CYP39A1: variants seen among roughly 807,000 people sequenced by gnomAD.
CYP39A1 encodes cytochrome P450 family 39 subfamily A member 1.
A neutral mutation model predicts 58.1 loss-of-function variants in CYP39A1; 49 were observed. That is an observed-to-expected ratio of 0.84 (90% CI 0.67 to 1.07). The LOEUF (loss-of-function observed/expected upper bound fraction) is 1.07, where lower values mean the gene tolerates loss of function less well. Ranked by LOEUF, CYP39A1 falls within the 50% of genes least tolerant of loss-of-function variation. The pLI, the probability that CYP39A1 is intolerant of heterozygous loss-of-function variation, is 0.00. For synonymous variants in CYP39A1, 209 were observed against 187.6 expected (o/e 1.11, Z -0.93); for missense variants, 531 against 539.4 (o/e 0.98, Z 0.16).
intron 7 of CYP39A1, among the ~76,000 whole-genome samples, chr6:46,624,921 G>A (rs1775212500): frequency 1.3e-5 from 2 of 152,122 alleles, no homozygotes; most frequent in South Asian, 4.2e-4. Context: ...ACAACCATAA[G>A]GGTTTTTTTA....
At chr6:46,577,993 T>C (rs995373158) in intron 10 of CYP39A1, among the ~76,000 whole-genome samples, 1 of 152,104 alleles carries the variant, frequency 6.6e-6, no homozygotes, top group Non-Finnish European at 1.5e-5. Flanking sequence ...CATATGCACA[T>C]GGCACATACT....
At chr6:46,600,351 C>T (rs750634588) in intron 7 of CYP39A1, among the ~76,000 whole-genome samples, 1 of 151,996 alleles carries the variant, frequency 6.6e-6, no homozygotes, top group Non-Finnish European at 1.5e-5. Context: ...GAAATCCTGA[C>T]CTCTAGTGAT....
intron 7 of CYP39A1, among the ~76,000 whole-genome samples, chr6:46,613,209 G>A (rs1344935005): frequency 1.3e-5 from 2 of 152,120 alleles, no homozygotes; most frequent in African/African-American, 2.4e-5. Flanking sequence ...AGTGTATAAC[G>A]TGTAGCTACC....
chr6:46,637,848 A>G lies in CYP39A1; in HGVS notation c.619T>C (p.Leu207=), dbSNP rs1366520783. Residue 207 remains leucine, a synonymous_variant, in exon 4 of 12, where the codon TTG becomes CTG. Transcript: ENST00000275016. ...TGTTACCTTAGAAGACACTCTGGCA[A>G]CTGGGACCCATACTCAAAATCTTCA... The part of the protein sequence containing the change: ...YDEDFEYGSQ[L]PECLLRNWSK... The G allele has an allele frequency of 9.3e-6, 15 of 1,612,436 alleles. No homozygotes were observed. The highest frequency in any genetic ancestry group is 1.2e-5 in the Non-Finnish European group (14 of 1,179,710).
chr6:46,572,857 T>A (rs1320939409), intron 10 of CYP39A1, among the ~76,000 whole-genome samples: 2 of 152,040 alleles, frequency 1.3e-5, no homozygotes, highest in African/African-American at 4.8e-5. Flanking sequence ...CTTTTCAATT[T>A]TTTTCTCCTT....
At chr6:46,567,805 T>G (rs964597099) in intron 10 of CYP39A1, among the ~76,000 whole-genome samples, 1 of 152,008 alleles carries the variant, frequency 6.6e-6, no homozygotes, top group Non-Finnish European at 1.5e-5. Context: ...AAAGAAATGG[T>G]TAAGGTTTAC....
chr6:46,589,184 G>A (rs1326780044), intron 8 of CYP39A1, among the ~76,000 whole-genome samples: 2 of 152,078 alleles, frequency 1.3e-5, no homozygotes, highest in Non-Finnish European at 2.9e-5. Flanking sequence ...TGGGTGTGGT[G>A]GCTCATGCCT....
At position 46,616,192 on chromosome 6, in the gene CYP39A1, TTCCCTCCCTCCCTCCCTCCCTCCCTCCC is replaced by T. The variant is rs59526252; in HGVS notation, c.931+9198_931+9225del. ...CTTTCTTTCTTTCTTTCTTTCTTCT[TTCCCTCCCTCCCTCCCTCCCTCCCTCCC>T]TCCCTCCCTCCCTCCCTCCCTCCCT... On this transcript the variant is annotated intron_variant, in intron 7 of 11. Transcript: ENST00000275016. 6.4e-3 allele frequency among the ~76,000 whole-genome samples: 24 copies of T among 3,760 alleles called. No homozygotes were observed. The East Asian group carries it at 0.1, about 16-fold the overall frequency. The allele number at this position is 3,760 out of a possible 152,430, so 2.5% of individuals were successfully genotyped here. A position where few individuals can be genotyped will look rare whatever the true frequency, so the allele number is the denominator to read the frequency against.
At chr6:46,569,485 AG>A (rs1241493503) in intron 10 of CYP39A1, among the ~76,000 whole-genome samples, 2 of 152,082 alleles carry the variant, frequency 1.3e-5, no homozygotes, top group Non-Finnish European at 2.9e-5. Flanking sequence ...TTAACCATTG[AG>A]TATGATGTTA....
At chr6:46,552,241 CTCAGTGGA>C (rs1770440676) in intron 11 of CYP39A1, among the ~76,000 whole-genome samples, 1 of 152,126 alleles carries the variant, frequency 6.6e-6, no homozygotes, top group Non-Finnish European at 1.5e-5. Context: ...TGACATTCAA[CTCAGTGGA>C]TCAGGAACTA....
chr6:46,576,618 A>C (rs1771862949), intron 10 of CYP39A1, among the ~76,000 whole-genome samples: 1 of 152,200 alleles, frequency 6.6e-6, no homozygotes, highest in East Asian at 1.9e-4. Context: ...CAAGAGTTGA[A>C]AGATGTGATA....
chr6:46,648,583 G>A lies in CYP39A1; in HGVS notation c.177+3823C>T, dbSNP rs548562150. ...TACCTAATATAAATGATGAGTTACT[G>A]GGTTCAGCACACCAACATGGCACAT... is the stretch of plus-strand genomic sequence containing the variant. On this transcript the variant is annotated intron_variant, in intron 1 of 11. Coordinates refer to ENST00000275016, the MANE Select transcript of CYP39A1 (RefSeq NM_016593.5). Among the ~76,000 whole-genome samples the A allele has an allele frequency of 3.3e-5, 5 of 151,728 alleles. No individual in the cohort carries two copies. In the South Asian group the frequency reaches 1.0e-3, roughly 32 times the overall value.
chr6:46,642,230 A>T lies in CYP39A1; in HGVS notation c.246T>A (p.Ile82=). 1 of 1,612,748 alleles carries T rather than the reference A, an allele frequency of 6.2e-7. No homozygotes were observed. Among genetic ancestry groups the T allele is most frequent in the Non-Finnish European group, 8.5e-7 (1 of 1,179,138 alleles). ...CTTTTTTGGATTTTAGAAACACATT[A>T]ATTCCTTCTTCTTCAGTAACAAAGG... The part of the protein sequence containing the change: ...RMTFVTEEEG[I]NVFLKSKKVD... The change falls in exon 2 of 12, where the codon ATT becomes ATA. Residue 82 remains isoleucine (I), a synonymous_variant. Coordinates refer to ENST00000275016, the MANE Select transcript of CYP39A1 (RefSeq NM_016593.5).
At chr6:46,564,854 C>A (rs184930232) in intron 10 of CYP39A1, among the ~76,000 whole-genome samples, 1 of 152,210 alleles carries the variant, frequency 6.6e-6, no homozygotes, top group South Asian at 2.1e-4. Context: ...GATCTTGCCC[C>A]GGAATTCAGA....
At chr6:46,616,259 T>C (rs9472797) in intron 7 of CYP39A1, among the ~76,000 whole-genome samples, 1,090 of 67,932 alleles carry the variant, frequency 0.016, 100 homozygotes, top group African/African-American at 0.038. Context: ...TTCCTTCCTT[T>C]CTTCCTTCCT....
intron 7 of CYP39A1, among the ~76,000 whole-genome samples, chr6:46,611,024 T>G (rs928059999): frequency 6.6e-6 from 1 of 152,154 alleles, no homozygotes; most frequent in African/African-American, 2.4e-5. Flanking sequence ...AGCCTAGAGA[T>G]TGTCCATGGA....
chr6:46,631,095 C>T (rs751809388), intron 5 of CYP39A1, 25 bp from the exon 6 acceptor site: 1 of 1,509,666 alleles, frequency 6.6e-7, no homozygotes, highest in Non-Finnish European at 9.2e-7. Flanking sequence ...TAAACATTGC[C>T]AAACCATGGC....
chr6:46,630,171 CTT>C (rs772818116), intron 6 of CYP39A1, among the ~76,000 whole-genome samples: 46 of 152,170 alleles, frequency 3.0e-4, no homozygotes, highest in Non-Finnish European at 4.6e-4. Context: ...TCTTGCCTCT[CTT>C]TAGAAGTGTT....
intron 7 of CYP39A1, among the ~76,000 whole-genome samples, chr6:46,624,534 T>C (rs1448595946): frequency 6.6e-6 from 1 of 152,166 alleles, no homozygotes; most frequent in African/African-American, 2.4e-5. Context: ...CCAGTTTACT[T>C]TTTGGTTTAA....
Sources: allele counts gnomAD v4.1 joint callset (sites outside exome capture counted in the v4.1 genomes callset), GRCh38; gene constraint gnomAD v4.1.1; transcripts MANE v1.5; gene names NCBI Gene and HGNC (gene_info 2026-07-23, HGNC 2026-07-21).